The following NXPH1 variants were observed in gnomAD, a reference collection of about 807,000 sequenced individuals.
The protein encoded by NXPH1 is neurexophilin 1.
Under a neutral mutation model 23.7 loss-of-function variants are expected in NXPH1, and 5 were observed. That is an observed-to-expected ratio of 0.21 (90% CI 0.11 to 0.44). The LOEUF is 0.44. NXPH1 is among the 20% of genes least tolerant of loss of function. The probability of loss-of-function intolerance (pLI) is 0.99; values close to 1 mark genes in which losing one functional copy is unlikely to be tolerated. For synonymous variants in NXPH1, 144 were observed against 122.2 expected, an observed-to-expected ratio of 1.18 and a Z score of -1.18; for missense variants, 324 against 321.6, an observed-to-expected ratio of 1.01 and a Z score of -0.06.
chr7:8,523,873 T>G (rs1487457194), intron 2 of NXPH1, among the ~76,000 whole-genome samples: 1 of 152,164 alleles, frequency 6.6e-6, no homozygotes. Flanking sequence ...CATTTGCTTT[T>G]GCCAACCTGC....
intron 2 of NXPH1, among the ~76,000 whole-genome samples, chr7:8,570,433 T>C (rs1426794572): frequency 1.3e-5 from 2 of 151,964 alleles, no homozygotes; most frequent in Non-Finnish European, 2.9e-5. Flanking sequence ...CCTTATAGGA[T>C]TGTTATGAAG....
chr7:8,514,506 T>C lies in NXPH1; in HGVS notation c.54+78739T>C, dbSNP rs181083070. ...TTTGCCCAATGCATTGGAAAATGGT[T>C]AAAACAAAAAGAAGAGTCCATTCCC... On this transcript the variant is annotated intron_variant, in intron 2 of 2. Coordinates refer to ENST00000405863, the MANE Select transcript of NXPH1 (RefSeq NM_152745.3). 9.7e-4 allele frequency among the ~76,000 whole-genome samples: 147 copies of C among 152,214 alleles called. 1 individual carries two copies. Among genetic ancestry groups the C allele is most frequent in the African/African-American group, 3.4e-3 (141 of 41,562 alleles).
intron 2 of NXPH1, among the ~76,000 whole-genome samples, chr7:8,712,220 T>C (rs1779809487): frequency 6.6e-6 from 1 of 151,974 alleles, no homozygotes; most frequent in Non-Finnish European, 1.5e-5. Context: ...CTCGGTATGT[T>C]TAATTTCAGG....
chr7:8,712,331 A>G (rs1384383999), intron 2 of NXPH1, among the ~76,000 whole-genome samples: 1 of 152,232 alleles, frequency 6.6e-6, no homozygotes, highest in Non-Finnish European at 1.5e-5. Context: ...CATCTAGATA[A>G]TAAATCTTTG....
chr7:8,437,063 G>T (rs1391479073), intron 2 of NXPH1, among the ~76,000 whole-genome samples: 2 of 152,138 alleles, frequency 1.3e-5, no homozygotes, highest in Admixed American at 1.3e-4. Flanking sequence ...TCGCCTGACC[G>T]TAGCAGCCGC....
At chr7:8,665,643 T>A (rs1372409633) in intron 2 of NXPH1, among the ~76,000 whole-genome samples, 2 of 152,034 alleles carry the variant, frequency 1.3e-5, no homozygotes, top group Non-Finnish European at 2.9e-5. Context: ...TTTCTTCACA[T>A]TCATGAACAT....
chr7:8,733,581 C>A (rs997715396), intron 2 of NXPH1, among the ~76,000 whole-genome samples: 1 of 152,042 alleles, frequency 6.6e-6, no homozygotes, highest in Admixed American at 6.6e-5. Flanking sequence ...TTCTAACTGG[C>A]GTGAGATAGT....
chr7:8,584,049 T>G (rs1197968276), intron 2 of NXPH1, among the ~76,000 whole-genome samples: 3 of 152,220 alleles, frequency 2.0e-5, no homozygotes, highest in Non-Finnish European at 2.9e-5. Context: ...CAGATATTAC[T>G]ATGCATTGGA....
intron 2 of NXPH1, among the ~76,000 whole-genome samples, chr7:8,445,382 A>G (rs1343881569): frequency 6.6e-6 from 1 of 152,236 alleles, no homozygotes; most frequent in Non-Finnish European, 1.5e-5. Flanking sequence ...AAAGTGCAGT[A>G]TGATGCAGGA....
chr7:8,701,221 A>G (rs1028996585), intron 2 of NXPH1, among the ~76,000 whole-genome samples: 1 of 152,138 alleles, frequency 6.6e-6, no homozygotes, highest in Non-Finnish European at 1.5e-5. Context: ...ATAAAATGTA[A>G]TTCTATAATG....
intron 2 of NXPH1, among the ~76,000 whole-genome samples, chr7:8,462,862 G>C (rs1463322430): frequency 6.6e-6 from 1 of 151,950 alleles, no homozygotes; most frequent in Non-Finnish European, 1.5e-5. Flanking sequence ...ATTTCCTTTG[G>C]ATAAATTGCT....
intron 2 of NXPH1, among the ~76,000 whole-genome samples, chr7:8,719,726 C>A: frequency 6.6e-6 from 1 of 152,030 alleles, no homozygotes. Context: ...TGCCATACTA[C>A]TTAAAATGTG....
chr7:8,670,919 T>C (rs1471412304), intron 2 of NXPH1, among the ~76,000 whole-genome samples: 2 of 152,176 alleles, frequency 1.3e-5, no homozygotes, highest in African/African-American at 2.4e-5. Flanking sequence ...TATTAGGTAA[T>C]ATCTAAGCTG....
chr7:8,434,325 A>G lies in NXPH1; in HGVS notation c.-541A>G, dbSNP rs1816150552. The G allele has an allele frequency of 6.5e-6, 1 of 153,152 alleles. No individual in the cohort carries two copies. 9.5% of individuals were successfully genotyped at this position (153,152 alleles called of 1,614,324 possible). On this transcript the variant is annotated 5_prime_UTR_variant, in exon 1 of 3. Coordinates refer to ENST00000405863, the MANE Select transcript of NXPH1 (RefSeq NM_152745.3). This position sits in a 1 kb window ranked among gnomAD's most constrained non-coding sequence, Gnocchi z 7.6. ...CCCTTAAGTCATTTCCACCATCCTC[A>G]GGCAGCTGTGGGAAGCCGAGAGTCC...
At chr7:8,588,513 C>T (rs952503580) in intron 2 of NXPH1, among the ~76,000 whole-genome samples, 1 of 152,132 alleles carries the variant, frequency 6.6e-6, no homozygotes, top group Non-Finnish European at 1.5e-5. Flanking sequence ...TTCTCTTGCA[C>T]AACAGACCAC....
chr7:8,672,141 G>A (rs1187114536), intron 2 of NXPH1, among the ~76,000 whole-genome samples: 1 of 152,086 alleles, frequency 6.6e-6, no homozygotes, highest in Non-Finnish European at 1.5e-5. Context: ...GGAATACTAT[G>A]CAGCCATAAA....
rs1780564867 is a variant in NXPH1 at position 8,751,510 on chromosome 7, C to G, written c.557C>G (p.Ala186Gly). The G allele has an allele frequency of 1.2e-6, 2 of 1,613,590 alleles. No individual in the cohort carries two copies. Among genetic ancestry groups the G allele is most frequent in the Non-Finnish European group, 1.7e-6 (2 of 1,179,764 alleles). ...TTGGCACAACAAACCGTGATTGATG[C>G]CAAAGATTCCAAGTCTTTTAATTGT... ...FDLAQQTVID[A>G]KDSKSFNCRI... Residue 186 changes from alanine to glycine, a missense_variant, in exon 3 of 3, where the codon GCC becomes GGC. By Grantham distance (60) the Ala-to-Gly change is moderately conservative (BLOSUM62 0). Transcript: ENST00000405863. The surrounding 1 kb of genome is among the most constrained non-coding windows in gnomAD (Gnocchi z 4.5).
intron 2 of NXPH1, among the ~76,000 whole-genome samples, chr7:8,672,346 G>A (rs1298061584): frequency 6.6e-6 from 1 of 152,064 alleles, no homozygotes; most frequent in Non-Finnish European, 1.5e-5. Flanking sequence ...TGGAGGGATA[G>A]CATTAGGAGA....
At chr7:8,450,469 A>C (rs1328677520) in intron 2 of NXPH1, among the ~76,000 whole-genome samples, 1 of 152,264 alleles carries the variant, frequency 6.6e-6, no homozygotes, top group Non-Finnish European at 1.5e-5. Flanking sequence ...TGTAAAGATG[A>C]AGTAGAAAAC....
Sources: allele counts gnomAD v4.1 joint callset (sites outside exome capture counted in the v4.1 genomes callset), GRCh38; gene constraint gnomAD v4.1.1; non-coding constraint Gnocchi (gnomAD v3.1); transcripts MANE v1.5; gene names NCBI Gene and HGNC (gene_info 2026-07-23, HGNC 2026-07-21).